FNIP2: variants seen among roughly 807,000 people sequenced by gnomAD.
FNIP2 encodes folliculin interacting protein 2.
A neutral mutation model predicts 108.7 loss-of-function variants in FNIP2; 32 were observed. The observed-to-expected ratio is 0.29, with a 90% confidence interval of 0.22 to 0.40. FNIP2 has a LOEUF of 0.40. Among genes scored for constraint, FNIP2 ranks in the 10% least tolerant of loss-of-function variants. FNIP2 has a pLI of 1.00. For missense variants in FNIP2, 1,202 were observed against 1,381.6 expected (o/e 0.87, Z 2.06); for synonymous variants, 480 against 496.7 (o/e 0.97, Z 0.45).
chr4:158,779,543 T>C (rs1386676810), intron 1 of FNIP2, among the ~76,000 whole-genome samples: 2 of 149,554 alleles, frequency 1.3e-5, no homozygotes, highest in African/African-American at 4.9e-5. Context: ...GTGATGAGAT[T>C]GTGGGTAAAT....
rs755600526 is a variant in FNIP2, at chr4:158,829,238, C to A, written c.381+13C>A. ...TCCAAAGTACCAGGTACAACCATCC[C>A]TTCTGTGGGAATAGCCCCTGAGGTT... is the stretch of plus-strand genomic sequence containing the variant. On this transcript the variant is annotated intron_variant, in intron 3 of 16. Transcript: ENST00000264433. 2 of 1,590,028 alleles carry A rather than the reference C, an allele frequency of 1.3e-6. No homozygotes were observed. The highest frequency in any genetic ancestry group is 2.3e-5 in the South Asian group (2 of 87,720).
intron 3 of FNIP2, among the ~76,000 whole-genome samples, chr4:158,830,230 G>A (rs1306975859): frequency 6.6e-6 from 1 of 151,656 alleles, no homozygotes; most frequent in African/African-American, 2.4e-5. Context: ...GCTGAGCAGG[G>A]CTGATAGATT....
chr4:158,875,541 T>TATATATATATAC (rs1553964269), intron 14 of FNIP2, among the ~76,000 whole-genome samples: 1 of 141,446 alleles, frequency 7.1e-6, no homozygotes, highest in African/African-American at 2.9e-5. Flanking sequence ...TATATATATA[T>TATATATATATAC]GCTCATGAAT....
At chr4:158,831,774 C>A in intron 3 of FNIP2, 87 bp from the exon 4 acceptor site, 1 of 828,686 alleles carries the variant, frequency 1.2e-6, no homozygotes, top group Non-Finnish European at 2.0e-6. Flanking sequence ...TCACCGATGA[C>A]ACTAACGAGA....
chr4:158,874,579 A>G (rs34680567), intron 14 of FNIP2, among the ~76,000 whole-genome samples: 45,096 of 150,984 alleles, frequency 0.3, 7,384 homozygotes, highest in Non-Finnish European at 0.38. Flanking sequence ...GCTTAAGCCA[A>G]ATGTTCAATG....
At chr4:158,855,841 TAGTG>T (rs1006797427) in intron 8 of FNIP2, among the ~76,000 whole-genome samples, 2 of 152,194 alleles carry the variant, frequency 1.3e-5, no homozygotes, top group African/African-American at 4.8e-5. Flanking sequence ...GACAGGAGAA[TAGTG>T]GGTACCAAAC....
chr4:158,820,472 C>T (rs1777822070), intron 1 of FNIP2, among the ~76,000 whole-genome samples: 1 of 152,240 alleles, frequency 6.6e-6, no homozygotes, highest in Non-Finnish European at 1.5e-5. Context: ...ACTACTACCT[C>T]TGCATTTGCC....
intron 13 of FNIP2, among the ~76,000 whole-genome samples, chr4:158,869,952 A>T (rs1022074165): frequency 6.6e-6 from 1 of 152,252 alleles, no homozygotes; most frequent in South Asian, 2.1e-4. Flanking sequence ...GTTCTTCCGC[A>T]CTGTCGTGGG....
intron 14 of FNIP2, among the ~76,000 whole-genome samples, chr4:158,883,089 A>T (rs1781783154): frequency 1.3e-5 from 2 of 152,068 alleles, no homozygotes; most frequent in African/African-American, 4.8e-5. Context: ...AAAATAAATA[A>T]ATAAAATCAA....
chr4:158,828,540 C>T (rs893284437), intron 2 of FNIP2, among the ~76,000 whole-genome samples: 1 of 152,054 alleles, frequency 6.6e-6, no homozygotes, highest in African/African-American at 2.4e-5. Context: ...TGCTTGAACC[C>T]GGGAGGCACG....
At chr4:158,867,212 A>G (rs182709859) in intron 12 of FNIP2, among the ~76,000 whole-genome samples, 38 of 151,820 alleles carry the variant, frequency 2.5e-4, no homozygotes, top group Middle Eastern at 3.4e-3. Context: ...TTTTTTTCTG[A>G]GACAGAGTCT....
chr4:158,830,984 A>G lies in FNIP2; in HGVS notation c.382-877A>G, dbSNP rs528548352. Reference sequence around the variant, plus strand: ...GAGACAAAGATGTAGGAGGTATTCTATGTAAATAATAATCAAAATCAAAAG... The same window carrying G: ...GAGACAAAGATGTAGGAGGTATTCTGTGTAAATAATAATCAAAATCAAAAG... On this transcript the variant is annotated intron_variant, in intron 3 of 16. Transcript: ENST00000264433. Among the ~76,000 whole-genome samples, 631 of 152,336 alleles carry G rather than the reference A, an allele frequency of 4.1e-3. 10 individuals carry two copies. Among genetic ancestry groups the G allele is most frequent in the Non-Finnish European group, 7.9e-3 (536 of 68,030 alleles).
chr4:158,850,197 A>AGTATACT (rs1223200399), intron 7 of FNIP2, among the ~76,000 whole-genome samples: 1 of 152,248 alleles, frequency 6.6e-6, no homozygotes, highest in Non-Finnish European at 1.5e-5. Flanking sequence ...TCATGAGCAT[A>AGTATACT]GTATACTGTA....
intron 7 of FNIP2, among the ~76,000 whole-genome samples, chr4:158,836,852 C>A (rs1022419721): frequency 7.0e-6 from 1 of 142,770 alleles, no homozygotes. Flanking sequence ...ACTCATTGAT[C>A]AGACCTGTAT....
chr4:158,811,162 C>T (rs1416955941), intron 1 of FNIP2, among the ~76,000 whole-genome samples: 1 of 152,052 alleles, frequency 6.6e-6, no homozygotes, highest in Non-Finnish European at 1.5e-5. Flanking sequence ...TTATGAGTTC[C>T]CAAGGGGATA....
intron 7 of FNIP2, among the ~76,000 whole-genome samples, chr4:158,847,833 G>A (rs1023292401): frequency 2.6e-5 from 4 of 152,202 alleles, no homozygotes; most frequent in East Asian, 3.9e-4. Context: ...GCCCTTGGGC[G>A]TTAAGTGAAC....
chr4:158,869,469 A>C lies in FNIP2; in HGVS notation c.2792+41A>C, dbSNP rs752792889. The C allele has an allele frequency of 2.1e-5, 32 of 1,525,152 alleles. No individual in the cohort carries two copies. The South Asian group carries it at 3.9e-4, about 19-fold the overall frequency. The allele number at this position is 1,525,152 out of a possible 1,614,324, so 94.5% of individuals were successfully genotyped here. On this transcript the variant is annotated intron_variant, in intron 13 of 16. Transcript: ENST00000264433. The stretch of plus-strand genomic sequence containing the variant: ...TGGGAAGTAGAGGGAACTGGGTTCA[A>C]ATCCCACTTTCCTGGCCTGACACCT...
intron 7 of FNIP2, among the ~76,000 whole-genome samples, chr4:158,840,427 G>T (rs947742984): frequency 6.6e-6 from 1 of 151,664 alleles, no homozygotes; most frequent in Non-Finnish European, 1.5e-5. Flanking sequence ...ACAAGGTTTC[G>T]CTTTGTCACC....
At chr4:158,888,209 G>C (rs1578984700) in intron 14 of FNIP2, among the ~76,000 whole-genome samples, 1 of 152,198 alleles carries the variant, frequency 6.6e-6, no homozygotes, top group African/African-American at 2.4e-5. Context: ...TTAGATGGAG[G>C]CAATTGGATT....
Sources: allele counts gnomAD v4.1 joint callset (sites outside exome capture counted in the v4.1 genomes callset), GRCh38; gene constraint gnomAD v4.1.1; transcripts MANE v1.5; gene names NCBI Gene and HGNC (gene_info 2026-07-23, HGNC 2026-07-21).